The following ERBB4 variants were observed in gnomAD, a reference collection of about 807,000 sequenced individuals.
The protein encoded by ERBB4 is receptor tyrosine-protein kinase erbB-4.
A neutral mutation model predicts 158.0 loss-of-function variants in ERBB4; 42 were observed. The observed-to-expected ratio is 0.27, with a 90% CI of 0.21 to 0.34. The LOEUF (loss-of-function observed/expected upper bound fraction) is 0.34. ERBB4 is among the 10% of genes least tolerant of loss of function. The pLI is 1.00. For synonymous variants in ERBB4, 583 were observed against 558.7 expected (o/e 1.04, Z -0.61); for missense variants, 1,333 against 1,624.1 (o/e 0.82, Z 3.08).
intron 1 of ERBB4, among the ~76,000 whole-genome samples, chr2:212,408,588 A>G (rs1346163205): frequency 1.3e-5 from 2 of 152,060 alleles, no homozygotes; most frequent in Non-Finnish European, 2.9e-5. Flanking sequence ...AGCTGTAGTG[A>G]ACTATGATCG....
intron 20 of ERBB4, among the ~76,000 whole-genome samples, chr2:211,542,803 G>T (rs1172539539): frequency 6.6e-6 from 1 of 151,740 alleles, no homozygotes; most frequent in Non-Finnish European, 1.5e-5. Flanking sequence ...ACTCTCCCAG[G>T]AGTGATTTCT....
intron 2 of ERBB4, among the ~76,000 whole-genome samples, chr2:212,028,161 T>C (rs1248676645): frequency 6.6e-6 from 1 of 152,094 alleles, no homozygotes; most frequent in Admixed American, 6.6e-5. Context: ...GTGTGTGTTA[T>C]GTGATGTCCT....
chr2:212,008,483 T>G (rs1575508509), intron 2 of ERBB4, among the ~76,000 whole-genome samples: 3 of 152,104 alleles, frequency 2.0e-5, no homozygotes, highest in African/African-American at 7.2e-5. Context: ...GTAGGTTGTT[T>G]AATGCACATT....
chr2:212,058,897 C>T (rs1464752839), intron 2 of ERBB4, among the ~76,000 whole-genome samples: 1 of 152,162 alleles, frequency 6.6e-6, no homozygotes, highest in Non-Finnish European at 1.5e-5. Flanking sequence ...GGGATGCCCT[C>T]TCTCATCACT....
chr2:211,913,694 TAGAG>T (rs1185194288), intron 3 of ERBB4, among the ~76,000 whole-genome samples: 7 of 149,234 alleles, frequency 4.7e-5, no homozygotes, highest in African/African-American at 1.2e-4. Context: ...TATATATACA[TAGAG>T]AGAGAGAGCA....
chr2:211,651,261 A>C (rs2105882612), intron 16 of ERBB4, among the ~76,000 whole-genome samples: 1 of 152,310 alleles, frequency 6.6e-6, no homozygotes, highest in South Asian at 2.1e-4. Flanking sequence ...AAGATAGTTT[A>C]ACCAATTGAT....
chr2:211,752,137 T>A (rs192289295), intron 4 of ERBB4, among the ~76,000 whole-genome samples: 215 of 152,226 alleles, frequency 1.4e-3, no homozygotes, highest in Middle Eastern at 3.4e-3. Flanking sequence ...CTGAACAATA[T>A]AACTTTAATC....
At chr2:211,559,270 T>G (rs1299182064) in intron 20 of ERBB4, among the ~76,000 whole-genome samples, 1 of 152,226 alleles carries the variant, frequency 6.6e-6, no homozygotes, top group Non-Finnish European at 1.5e-5. Flanking sequence ...ATTTTCATTC[T>G]TATATCGCCT....
intron 1 of ERBB4, among the ~76,000 whole-genome samples, chr2:212,519,237 C>T (rs968056830): frequency 1.3e-5 from 2 of 151,960 alleles, no homozygotes; most frequent in East Asian, 1.9e-4. Context: ...ACAACAAATT[C>T]TATTTAATTT....
intron 19 of ERBB4, among the ~76,000 whole-genome samples, chr2:211,598,552 T>C (rs2068706280): frequency 6.6e-6 from 1 of 152,204 alleles, no homozygotes; most frequent in Non-Finnish European, 1.5e-5. Context: ...AACTAGTTAG[T>C]AAACAGTTGA....
chr2:212,072,614 G>A (rs1332574604), intron 2 of ERBB4, among the ~76,000 whole-genome samples: 1 of 151,924 alleles, frequency 6.6e-6, no homozygotes. Context: ...TAGAATATTG[G>A]AGAACTGTTT....
intron 1 of ERBB4, among the ~76,000 whole-genome samples, chr2:212,188,616 C>T (rs531951544): frequency 6.6e-6 from 1 of 152,116 alleles, no homozygotes; most frequent in African/African-American, 2.4e-5. Context: ...TTTGCTTCAT[C>T]TAGTGCCACC....
At chr2:211,667,166 C>G (rs1352265883) in intron 14 of ERBB4, among the ~76,000 whole-genome samples, 1 of 135,024 alleles carries the variant, frequency 7.4e-6, no homozygotes, top group Non-Finnish European at 1.5e-5. Context: ...GGGCCACACT[C>G]AAAGCTGTCC....
At chr2:211,808,216 A>G (rs1388142000) in intron 3 of ERBB4, among the ~76,000 whole-genome samples, 3 of 152,078 alleles carry the variant, frequency 2.0e-5, no homozygotes, top group Non-Finnish European at 4.4e-5. Context: ...CTATGTCCTG[A>G]ATGGTATTGC....
chr2:211,475,688 C>T (rs1456110535), intron 20 of ERBB4, among the ~76,000 whole-genome samples: 1 of 152,026 alleles, frequency 6.6e-6, no homozygotes, highest in East Asian at 1.9e-4. Flanking sequence ...AATATTACCC[C>T]TTGTCAAAAT....
At chr2:211,834,372 G>T (rs1323442926) in intron 3 of ERBB4, among the ~76,000 whole-genome samples, 1 of 151,886 alleles carries the variant, frequency 6.6e-6, no homozygotes, top group Non-Finnish European at 1.5e-5. Context: ...AAGGAGTGAT[G>T]ATGAAAACAG....
At chr2:212,111,039 T>C (rs1052267022) in intron 2 of ERBB4, among the ~76,000 whole-genome samples, 7 of 152,164 alleles carry the variant, frequency 4.6e-5, no homozygotes, top group African/African-American at 1.7e-4. Context: ...TGAGGGGCTC[T>C]TCCTGAAAAA....
At chr2:211,701,391 G>T (rs2073232362) in intron 12 of ERBB4, among the ~76,000 whole-genome samples, 3 of 152,064 alleles carry the variant, frequency 2.0e-5, no homozygotes, top group African/African-American at 7.2e-5. Context: ...CTGGGATGCC[G>T]ATTAAACATG....
intron 1 of ERBB4, among the ~76,000 whole-genome samples, chr2:212,281,790 C>A (rs893107406): frequency 6.6e-6 from 1 of 151,678 alleles, no homozygotes; most frequent in East Asian, 1.9e-4. Flanking sequence ...AAATTCTGAG[C>A]CTATATGTGT....
Sources: allele counts gnomAD v4.1 joint callset (sites outside exome capture counted in the v4.1 genomes callset), GRCh38; gene constraint gnomAD v4.1.1; transcripts MANE v1.5; gene names NCBI Gene and HGNC (gene_info 2026-07-23, HGNC 2026-07-21).